Variants in INO80D observed in about 807,000 individuals in gnomAD.
INO80D encodes INO80 complex subunit D.
In INO80D, 21 loss-of-function variants were observed where a neutral mutation model predicts 87.6. That is an observed-to-expected ratio of 0.24 (90% confidence interval 0.17 to 0.35). The LOEUF is 0.35. INO80D is among the 10% of genes least tolerant of loss of function. The pLI, the probability that INO80D is intolerant of heterozygous loss-of-function variation, is 1.00. For missense variants in INO80D, 982 were observed against 1,280.7 expected (o/e 0.77, Z 3.56); for synonymous variants, 440 against 491.0 (o/e 0.90, Z 1.37).
chr2:206,018,530 T>G (rs1018630749), intron 7 of INO80D, among the ~76,000 whole-genome samples: 5 of 152,276 alleles, frequency 3.3e-5, no homozygotes, highest in Admixed American at 1.3e-4. Context: ...AAAGATATAG[T>G]TATTAGAAAC....
At position 206,001,544 on chromosome 2, in the gene INO80D, A is replaced by T. The variant is rs1687908154; in HGVS notation, c.*2824T>A. 1 of 152,152 alleles carries T rather than the reference A, an allele frequency of 6.6e-6. No individual in the cohort carries two copies. Among genetic ancestry groups the T allele is most frequent in the South Asian group, 2.1e-4 (1 of 4,824 alleles). 9.4% of individuals were successfully genotyped at this position (152,152 alleles called of 1,614,324 possible). A position where few individuals can be genotyped will look rare whatever the true frequency, so the allele number is the denominator to read the frequency against. On this transcript the variant is annotated 3_prime_UTR_variant, in exon 11 of 11. Transcript: ENST00000403263. ...ATAAGTGCTATTTTAAAAGATACTA[A>T]TTTTCATATTTCTGGAGTAAAAGCC...
chr2:206,012,480 G>C (rs1312893487), intron 8 of INO80D, among the ~76,000 whole-genome samples: 1 of 152,186 alleles, frequency 6.6e-6, no homozygotes, highest in Non-Finnish European at 1.5e-5. Context: ...TCAATTAGGA[G>C]ACTATTACAA....
chr2:206,038,741 C>A (rs534388446), intron 5 of INO80D, among the ~76,000 whole-genome samples: 42 of 151,768 alleles, frequency 2.8e-4, no homozygotes, highest in African/African-American at 8.9e-4. Flanking sequence ...GCTGAGGTTG[C>A]AGGATGGCTT....
At chr2:206,047,313 G>C (rs921019933) in intron 4 of INO80D, among the ~76,000 whole-genome samples, 4 of 151,978 alleles carry the variant, frequency 2.6e-5, no homozygotes, top group African/African-American at 9.7e-5. Context: ...CTGCCTTCCA[G>C]GTTCAAGTGA....
Position 206,004,272 on chromosome 2 carries a change from T to C in INO80D, c.*96A>G, listed in dbSNP as rs1687961524. 9 of 1,174,430 alleles carry C rather than the reference T, an allele frequency of 7.7e-6. No individual in the cohort carries two copies. Among genetic ancestry groups the C allele is most frequent in the Non-Finnish European group, 1.1e-5 (9 of 828,460 alleles). The allele number at this position is 1,174,430 out of a possible 1,614,324, so 72.8% of individuals were successfully genotyped here. On this transcript the variant is annotated 3_prime_UTR_variant, in exon 11 of 11. Coordinates refer to ENST00000403263, the MANE Select transcript of INO80D (RefSeq NM_017759.5). This position sits in a 1 kb window ranked among gnomAD's most constrained non-coding sequence, Gnocchi z 4.9. ...GGGTGCCCCTCTGATCCCCATCTGT[T>C]ATATCTTCTTTAGGAAAAGGGGAGA... is the stretch of plus-strand genomic sequence containing the variant.
chr2:206,023,840 T>G (rs759643495), intron 6 of INO80D, among the ~76,000 whole-genome samples: 1 of 152,160 alleles, frequency 6.6e-6, no homozygotes, highest in African/African-American at 2.4e-5. Flanking sequence ...ACAGGGTCCA[T>G]CTTGCTGTTT....
In INO80D at chr2:206,062,787, A is replaced by G. The variant is rs971869223; in HGVS notation, c.218+12T>C. 6.3e-7 allele frequency: 1 copy of G among 1,592,044 alleles called. No individual in the cohort carries two copies. The highest frequency in any genetic ancestry group is 1.4e-5 in the African/African-American group (1 of 73,670). ...ATGAAATCAAGGATTGATTCTCATG[A>G]TTAGCCCTTACCTACGATCCTCTGA... On this transcript the variant is annotated intron_variant, in intron 3 of 10. Coordinates refer to ENST00000403263, the MANE Select transcript of INO80D (RefSeq NM_017759.5). This position sits in a 1 kb window ranked among gnomAD's most constrained non-coding sequence, Gnocchi z 4.6.
chr2:206,004,875 G>A lies in INO80D; in HGVS notation c.2577C>T (p.Thr859=), dbSNP rs1315152365. Residue 859 remains threonine, a synonymous_variant, in exon 11 of 11, where the codon ACC becomes ACT. Coordinates refer to ENST00000403263, the MANE Select transcript of INO80D (RefSeq NM_017759.5). The surrounding 1 kb of genome is among the most constrained non-coding windows in gnomAD (Gnocchi z 4.9). The stretch of plus-strand genomic sequence containing the variant: ...CCATGATGGGCATCTCTGCTGAAAA[G>A]GTAGCTGCCATATTATCACCAGAGT... ...TSYSGDNMAA[T]FSAEMPIMAQ... 1 of 1,613,920 alleles carries A rather than the reference G, an allele frequency of 6.2e-7. No homozygotes were observed. Among genetic ancestry groups the A allele is most frequent in the Admixed American group, 1.7e-5 (1 of 60,012 alleles).
intron 6 of INO80D, among the ~76,000 whole-genome samples, chr2:206,020,441 C>G (rs1381880259): frequency 1.3e-5 from 2 of 152,116 alleles, no homozygotes; most frequent in African/African-American, 2.4e-5. Flanking sequence ...TTGCCTCATG[C>G]TACTAAACCC....
rs1334512297 is a variant in INO80D at position 206,004,836 on chromosome 2, G to A, written c.2616C>T (p.Leu872=). ...AEMPIMAQHL[L]PTQLEVPLGG... ...CAAGTGGCACCTCAAGTTGGGTTGGGAGCAAGTGCTGCGCCATGATGGGCA... is the reference window on the plus strand; with the variant it reads ...CAAGTGGCACCTCAAGTTGGGTTGGAAGCAAGTGCTGCGCCATGATGGGCA... Residue 872 remains leucine (L), a synonymous_variant, in exon 11 of 11, where the codon CTC becomes CTT. Coordinates refer to ENST00000403263, the MANE Select transcript of INO80D (RefSeq NM_017759.5). This position sits in a 1 kb window ranked among gnomAD's most constrained non-coding sequence, Gnocchi z 4.9. The A allele has an allele frequency of 5.0e-6, 8 of 1,614,040 alleles. No homozygotes were observed. Among genetic ancestry groups the A allele is most frequent in the Middle Eastern group, 1.6e-4 (1 of 6,062 alleles).
At chr2:206,021,806 G>C (rs1421122382) in intron 6 of INO80D, among the ~76,000 whole-genome samples, 1 of 151,460 alleles carries the variant, frequency 6.6e-6, no homozygotes, top group Non-Finnish European at 1.5e-5. Flanking sequence ...TAGAGACGTG[G>C]TTTCACCATG....
chr2:206,050,496 G>GAAAAAAAA (rs3079265), intron 4 of INO80D, among the ~76,000 whole-genome samples: 4 of 99,544 alleles, frequency 4.0e-5, no homozygotes, highest in African/African-American at 9.6e-5. Context: ...CGTCTCAAAA[G>GAAAAAAAA]AAAAAAAAAA....
chr2:206,055,118 A>C (rs1288398755), intron 4 of INO80D, among the ~76,000 whole-genome samples: 1 of 152,130 alleles, frequency 6.6e-6, no homozygotes, highest in Non-Finnish European at 1.5e-5. Context: ...TCATTTGTTT[A>C]TTGACTATTC....
At chr2:206,017,598 T>C (rs1163321613) in intron 8 of INO80D, 82 bp downstream of exon 8, 11 of 1,166,208 alleles carry the variant, frequency 9.4e-6, no homozygotes, top group South Asian at 5.5e-5. Flanking sequence ...TTTATATACA[T>C]ACATAGTTTG....
At chr2:206,059,868 A>G (rs1252708834) in intron 3 of INO80D, among the ~76,000 whole-genome samples, 3 of 152,196 alleles carry the variant, frequency 2.0e-5, no homozygotes, top group Non-Finnish European at 4.4e-5. Context: ...GGATAACTGC[A>G]CTAACCAAAA....
At chr2:206,041,897 T>C (rs901147828) in intron 5 of INO80D, among the ~76,000 whole-genome samples, 4 of 152,132 alleles carry the variant, frequency 2.6e-5, no homozygotes, top group East Asian at 1.9e-4. Flanking sequence ...TCTGTAATCA[T>C]AGCACTTTGG....
intron 5 of INO80D, among the ~76,000 whole-genome samples, chr2:206,029,688 C>T (rs1204592394): frequency 6.6e-6 from 1 of 152,082 alleles, no homozygotes; most frequent in Non-Finnish European, 1.5e-5. Flanking sequence ...ATACTTTTTA[C>T]TACAGATCTA....
intron 8 of INO80D, among the ~76,000 whole-genome samples, chr2:206,013,595 T>C (rs1688237630): frequency 6.6e-6 from 1 of 151,658 alleles, no homozygotes; most frequent in African/African-American, 2.4e-5. Flanking sequence ...AATTCATTCA[T>C]AATAAGTTCC....
Position 206,056,379 on chromosome 2 carries a change from C to A in INO80D, c.783G>T (p.Lys261Asn). Residue 261 changes from lysine to asparagine, a missense_variant, in exon 4 of 11, where the codon AAG becomes AAT. Coordinates refer to ENST00000403263, the MANE Select transcript of INO80D (RefSeq NM_017759.5). ...TIAQARQLSHKRPLPLLPSSR... is the reference protein window; with the variant it reads ...TIAQARQLSHNRPLPLLPSSR... ...TGGATGGCAGGAGGGGCAGAGGCCT[C>A]TTGTGAGACAACTGCCGTGCTTGTG... 6.2e-7 allele frequency: 1 copy of A among 1,613,838 alleles called. No individual in the cohort carries two copies. Among genetic ancestry groups the A allele is most frequent in the East Asian group, 2.2e-5 (1 of 44,878 alleles).
Sources: gnomAD v4.1 joint callset for allele counts (sites outside exome capture counted in the v4.1 genomes callset) on GRCh38, gnomAD v4.1.1 for gene constraint, Gnocchi (gnomAD v3.1) non-coding constraint, MANE v1.5 for transcripts, NCBI Gene and HGNC (gene_info 2026-07-23, HGNC 2026-07-21) for gene names.